The following RYR2 variants were observed in gnomAD, a reference collection of about 807,000 sequenced individuals.
RYR2 encodes ryanodine receptor 2, also known as cardiac muscle ryanodine receptor-calcium release channel.
A neutral mutation model predicts 601.1 loss-of-function variants in RYR2; 227 were observed. The ratio of observed to expected loss-of-function variants is 0.38; its 90% CI spans 0.34 to 0.42. The LOEUF is 0.42. Among genes scored for constraint, RYR2 ranks in the 10% least tolerant of loss-of-function variants. The pLI, the probability that RYR2 is intolerant of heterozygous loss-of-function variation, is 1.00. For missense variants in RYR2, 4,646 were observed against 6,156.5 expected, an observed-to-expected ratio of 0.75 and a Z score of 8.21; for synonymous variants, 2,223 against 2,175.1, an observed-to-expected ratio of 1.02 and a Z score of -0.61.
intron 24 of RYR2, among the ~76,000 whole-genome samples, chr1:237,526,913 T>C (rs961800522): frequency 5.3e-5 from 8 of 152,008 alleles, no homozygotes; most frequent in Admixed American, 3.9e-4. Flanking sequence ...TCCAGAAGAG[T>C]TTTTTCTAGG....
chr1:237,056,460 C>CACTGCACCTGTGAGGACTAGAG (rs1433827147), intron 1 of RYR2, among the ~76,000 whole-genome samples: 1 of 139,252 alleles, frequency 7.2e-6, no homozygotes, highest in Non-Finnish European at 1.5e-5. Flanking sequence ...AGGACTGGAG[C>CACTGCACCTGTGAGGACTAGAG]ACTGCACCTG....
chr1:237,098,455 AT>A (rs1400494972), intron 1 of RYR2, among the ~76,000 whole-genome samples: 1 of 151,438 alleles, frequency 6.6e-6, no homozygotes, highest in African/African-American at 2.4e-5. Flanking sequence ...GTCTTAGCAA[AT>A]TTCAGGGGTA....
chr1:237,056,411 C>CACTGCACCTGTGAGGACTGA (rs1662070469), intron 1 of RYR2, among the ~76,000 whole-genome samples: 1 of 65,988 alleles, frequency 1.5e-5, no homozygotes, highest in African/African-American at 5.8e-5. Flanking sequence ...GTGAGGACTG[C>CACTGCACCTGTGAGGACTGA]AGCACTGCAC....
At chr1:237,068,490 G>C (rs1663924204) in intron 1 of RYR2, among the ~76,000 whole-genome samples, 1 of 152,092 alleles carries the variant, frequency 6.6e-6, no homozygotes, top group East Asian at 1.9e-4. Context: ...GTGGCCATTT[G>C]TGTAAATACA....
chr1:237,383,585 A>T (rs1558725152), intron 8 of RYR2, among the ~76,000 whole-genome samples: 2 of 151,026 alleles, frequency 1.3e-5, no homozygotes, highest in Non-Finnish European at 1.5e-5. Flanking sequence ...GCCTGCCACC[A>T]CACCCGGATA....
At chr1:237,276,228 T>G (rs147368812) in intron 2 of RYR2, among the ~76,000 whole-genome samples, 1 of 152,040 alleles carries the variant, frequency 6.6e-6, no homozygotes, top group Non-Finnish European at 1.5e-5. Context: ...GCCTCCCGAG[T>G]TGCTGAGATT....
At chr1:237,451,099 A>G (rs1424192154) in intron 14 of RYR2, among the ~76,000 whole-genome samples, 2 of 152,118 alleles carry the variant, frequency 1.3e-5, no homozygotes, top group Non-Finnish European at 2.9e-5. Context: ...ACCTATTATA[A>G]GTCCCAAATT....
intron 17 of RYR2, among the ~76,000 whole-genome samples, chr1:237,474,382 C>T (rs1481870085): frequency 6.6e-6 from 1 of 151,582 alleles, no homozygotes; most frequent in East Asian, 2.0e-4. Context: ...TTCCTGACAA[C>T]GTAATTGGTT....
intron 1 of RYR2, among the ~76,000 whole-genome samples, chr1:237,190,261 G>T (rs1300207641): frequency 6.6e-6 from 1 of 152,124 alleles, no homozygotes; most frequent in East Asian, 1.9e-4. Context: ...TTTCTCTGCA[G>T]CCTTGCCAAC....
intron 63 of RYR2, among the ~76,000 whole-genome samples, chr1:237,697,001 T>C (rs1573562356): frequency 6.6e-6 from 1 of 152,160 alleles, no homozygotes; most frequent in South Asian, 2.1e-4. Context: ...AACCTAAGAA[T>C]GTCTTCCTAC....
chr1:237,590,666 C>G lies in RYR2; in HGVS notation c.3834C>G (p.Asp1278Glu). 1 of 1,558,890 alleles carries G rather than the reference C, an allele frequency of 6.4e-7. No individual in the cohort carries two copies. ...TGACCAGAATAGACGGCACCATAGA[C>G]AGTTCCCCATGTTTAAAGGTCACTC... The part of the protein sequence containing the change: ...IEVTRIDGTI[D>E]SSPCLKVTQK... Residue 1278 changes from aspartate (D) to glutamate (E), a missense_variant, in exon 31 of 105, where the codon GAC becomes GAG. Physicochemically the swap from Asp to Glu is conservative, Grantham distance 45 (BLOSUM62 2). Transcript: ENST00000366574.
chr1:237,582,319 A>G (rs1033505490), intron 29 of RYR2, among the ~76,000 whole-genome samples: 47 of 151,018 alleles, frequency 3.1e-4, no homozygotes, highest in African/African-American at 1.0e-3. Flanking sequence ...CACAATGGCC[A>G]GGCTGGTCTC....
chr1:237,312,737 GA>G (rs1359313463), intron 2 of RYR2, among the ~76,000 whole-genome samples: 1 of 152,138 alleles, frequency 6.6e-6, no homozygotes, highest in African/African-American at 2.4e-5. Context: ...ATATTTATTA[GA>G]AATATGAAAG....
chr1:237,574,998 G>T (rs1472742591), intron 29 of RYR2, among the ~76,000 whole-genome samples: 7 of 152,172 alleles, frequency 4.6e-5, no homozygotes, highest in African/African-American at 1.7e-4. Context: ...AAACCGGTAT[G>T]TTGATCAAGG....
intron 80 of RYR2, chr1:237,755,164 C>A (rs1270033166): frequency 1.7e-6 from 2 of 1,170,736 alleles, no homozygotes; most frequent in Admixed American, 5.8e-5. Flanking sequence ...TTAAAGGTTT[C>A]TTTTTTCATT....
rs575031037 is a variant in RYR2 at position 237,664,979 on chromosome 1, A to C, written c.8437-1533A>C. Among the ~76,000 whole-genome samples, 4 of 152,344 alleles carry C rather than the reference A, an allele frequency of 2.6e-5. No individual in the cohort carries two copies. The East Asian group carries it at 7.7e-4, about 29-fold the overall frequency. Reference sequence around the variant, plus strand: ...GTAGTGATAATGATAGTATACTAACAATGAGAATAGCCATTTACTAAAATT... The same window carrying C: ...GTAGTGATAATGATAGTATACTAACCATGAGAATAGCCATTTACTAAAATT... On this transcript the variant is annotated intron_variant, in intron 56 of 104. Transcript: ENST00000366574.
chr1:237,679,220 T>A (rs1685647860), intron 61 of RYR2, among the ~76,000 whole-genome samples: 1 of 152,162 alleles, frequency 6.6e-6, no homozygotes, highest in Non-Finnish European at 1.5e-5. Context: ...CCTCTAATTT[T>A]CCCTTTAAAA....
intron 38 of RYR2, among the ~76,000 whole-genome samples, chr1:237,623,430 G>A (rs4317795): frequency 1.6e-5 from 1 of 64,316 alleles, no homozygotes; most frequent in Non-Finnish European, 3.3e-5. Flanking sequence ...TCACTGTGTC[G>A]CCGCCCAGGC....
chr1:237,106,288 G>A lies in RYR2; in HGVS notation c.48+63719G>A, dbSNP rs916134899. ...GAACAGCTCCCCTGCACCAGCTCCC[G>A]CTGGGCTGCAGACAGGCTCTGATGT... is the stretch of plus-strand genomic sequence containing the variant. On this transcript the variant is annotated intron_variant, in intron 1 of 104. Coordinates refer to ENST00000366574, the MANE Select transcript of RYR2 (RefSeq NM_001035.3). The surrounding 1 kb of genome is among the most constrained non-coding windows in gnomAD (Gnocchi z 4.4). 3.3e-5 allele frequency among the ~76,000 whole-genome samples: 5 copies of A among 152,204 alleles called. No homozygotes were observed. The highest frequency in any genetic ancestry group is 5.9e-5 in the Non-Finnish European group (4 of 68,034).
Sources: gnomAD v4.1 joint callset for allele counts (sites outside exome capture counted in the v4.1 genomes callset) on GRCh38, gnomAD v4.1.1 for gene constraint, Gnocchi (gnomAD v3.1) non-coding constraint, MANE v1.5 for transcripts, NCBI Gene and HGNC (gene_info 2026-07-23, HGNC 2026-07-21) for gene names.